The following LY86 variants were observed in gnomAD, a reference collection of about 807,000 sequenced individuals.
LY86 encodes lymphocyte antigen 86.
In LY86, 20 loss-of-function variants were observed where a neutral mutation model predicts 17.3. The observed-to-expected ratio is 1.15, with a 90% CI of 0.81 to 1.68. The LOEUF (loss-of-function observed/expected upper bound fraction) is 1.68, where lower values mean the gene tolerates loss of function less well. Among genes scored for constraint, LY86 ranks in the 40% most tolerant of loss-of-function variants. LY86 has a pLI of 0.00. For synonymous variants in LY86, 74 were observed against 70.6 expected (o/e 1.05, Z -0.24); for missense variants, 200 against 191.9 (o/e 1.04, Z -0.25).
chr6:6,612,451 T>C (rs988152528), intron 1 of LY86, among the ~76,000 whole-genome samples: 10 of 151,932 alleles, frequency 6.6e-5, no homozygotes, highest in East Asian at 1.9e-4. Flanking sequence ...TCATGGGGAG[T>C]GTTACACTTC....
At chr6:6,633,188 A>G (rs749993901) in intron 3 of LY86, among the ~76,000 whole-genome samples, 4 of 152,202 alleles carry the variant, frequency 2.6e-5, no homozygotes, top group African/African-American at 9.7e-5. Flanking sequence ...TTCTTGCTCC[A>G]CAAGCTCTAC....
intron 1 of LY86, among the ~76,000 whole-genome samples, chr6:6,623,914 C>T (rs147074046): frequency 1.1e-4 from 16 of 152,294 alleles, no homozygotes; most frequent in East Asian, 1.9e-4. Context: ...GGATAAGCCA[C>T]GTAGCAAAGT....
intron 3 of LY86, 144 bp from the exon 4 acceptor site, chr6:6,649,481 C>CTCGGTGGTCG: frequency 5.0e-6 from 3 of 595,068 alleles, no homozygotes; most frequent in South Asian, 2.1e-5. Flanking sequence ...AGGTGTAGAT[C>CTCGGTGGTCG]AGGAAATGAA....
intron 1 of LY86, among the ~76,000 whole-genome samples, chr6:6,614,527 C>A (rs896273558): frequency 1.3e-5 from 2 of 152,136 alleles, no homozygotes; most frequent in Admixed American, 6.5e-5. Flanking sequence ...CAGCCCCACG[C>A]CGCCCACTCA....
intron 3 of LY86, among the ~76,000 whole-genome samples, chr6:6,639,906 T>C (rs1408215551): frequency 6.6e-6 from 1 of 152,186 alleles, no homozygotes; most frequent in African/African-American, 2.4e-5. Context: ...CTGTGTATAA[T>C]ACGGGAAAAA....
chr6:6,594,592 A>C (rs1348363242), intron 1 of LY86, among the ~76,000 whole-genome samples: 2 of 152,214 alleles, frequency 1.3e-5, no homozygotes, highest in Non-Finnish European at 2.9e-5. Context: ...ACTCTTCGCC[A>C]GATCAGAGTC....
intron 1 of LY86, among the ~76,000 whole-genome samples, chr6:6,606,748 CG>C (rs1561780674): frequency 6.6e-6 from 1 of 152,222 alleles, no homozygotes; most frequent in Non-Finnish European, 1.5e-5. Context: ...CACGCCCACC[CG>C]GAACTCGCGC....
At chr6:6,596,083 G>A (rs1465819409) in intron 1 of LY86, among the ~76,000 whole-genome samples, 2 of 152,204 alleles carry the variant, frequency 1.3e-5, no homozygotes, top group East Asian at 1.9e-4. Flanking sequence ...TACAGGGCAG[G>A]TGCTTTAGCT....
intron 4 of LY86, among the ~76,000 whole-genome samples, chr6:6,652,335 T>C (rs1189288903): frequency 6.6e-6 from 1 of 152,006 alleles, no homozygotes; most frequent in African/African-American, 2.4e-5. Flanking sequence ...ACAGACACAG[T>C]TCAAAGACTT....
intron 1 of LY86, among the ~76,000 whole-genome samples, chr6:6,612,531 A>C (rs988216304): frequency 6.6e-6 from 1 of 152,200 alleles, no homozygotes; most frequent in Non-Finnish European, 1.5e-5. Flanking sequence ...GAACAAACCA[A>C]CCACACAAAA....
At chr6:6,643,668 A>ACACG (rs1409497899) in intron 3 of LY86, among the ~76,000 whole-genome samples, 4 of 152,078 alleles carry the variant, frequency 2.6e-5, no homozygotes, top group African/African-American at 9.7e-5. Context: ...ACACAAACAC[A>ACACG]CATGCACGCA....
At chr6:6,611,471 G>A (rs941719879) in intron 1 of LY86, among the ~76,000 whole-genome samples, 2 of 152,218 alleles carry the variant, frequency 1.3e-5, no homozygotes, top group African/African-American at 4.8e-5. Context: ...ACCTGCTGTG[G>A]AAAGAGCTAT....
intron 1 of LY86, among the ~76,000 whole-genome samples, chr6:6,610,012 C>G (rs1272746040): frequency 2.6e-5 from 4 of 152,140 alleles, no homozygotes; most frequent in African/African-American, 9.7e-5. Flanking sequence ...GTCGTGAACT[C>G]CTGGGCTCCA....
intron 3 of LY86, among the ~76,000 whole-genome samples, chr6:6,634,693 C>A (rs1017527743): frequency 6.6e-6 from 1 of 152,224 alleles, no homozygotes; most frequent in African/African-American, 2.4e-5. Context: ...AGAGCCTTCT[C>A]AATCTCACTG....
intron 3 of LY86, among the ~76,000 whole-genome samples, chr6:6,639,028 C>A (rs956800611): frequency 3.3e-5 from 5 of 152,056 alleles, no homozygotes; most frequent in Non-Finnish European, 5.9e-5. Flanking sequence ...AACCAACCCA[C>A]ATGTCCAACA....
intron 3 of LY86, among the ~76,000 whole-genome samples, chr6:6,632,336 CT>C (rs1430375242): frequency 6.6e-6 from 1 of 152,186 alleles, no homozygotes; most frequent in Non-Finnish European, 1.5e-5. Flanking sequence ...TTACATTTCT[CT>C]ATTTCTCAAT....
At chr6:6,596,139 T>C (rs1404904975) in intron 1 of LY86, among the ~76,000 whole-genome samples, 3 of 152,226 alleles carry the variant, frequency 2.0e-5, no homozygotes, top group Non-Finnish European at 2.9e-5. Flanking sequence ...TCAAGTCACA[T>C]GTGCCTGAAT....
At chr6:6,618,897 A>G (rs1761613959) in intron 1 of LY86, among the ~76,000 whole-genome samples, 1 of 152,362 alleles carries the variant, frequency 6.6e-6, no homozygotes, top group African/African-American at 2.4e-5. Context: ...TACATTTACC[A>G]CATTGTAAAT....
chr6:6,589,621 AT>A (rs941127053), intron 1 of LY86, among the ~76,000 whole-genome samples: 1 of 152,046 alleles, frequency 6.6e-6, no homozygotes, highest in Non-Finnish European at 1.5e-5. Flanking sequence ...TAAATAACAG[AT>A]TTATTTCCTC....
Sources: gnomAD v4.1 joint callset for allele counts (sites outside exome capture counted in the v4.1 genomes callset) on GRCh38, gnomAD v4.1.1 for gene constraint, MANE v1.5 for transcripts, NCBI Gene and HGNC (gene_info 2026-07-23, HGNC 2026-07-21) for gene names.